The following TNS3 variants were observed in gnomAD, a reference collection of about 807,000 sequenced individuals.
TNS3 encodes tensin-3.
TNS3 carries 45 observed loss-of-function variants against 140.9 expected under a neutral mutation model. That is an observed-to-expected ratio of 0.32 (90% CI 0.25 to 0.41). The LOEUF (loss-of-function observed/expected upper bound fraction) is 0.41. Ranked by LOEUF, TNS3 falls within the 10% of genes least tolerant of loss-of-function variation. The pLI is 1.00. For missense variants in TNS3, 1,716 were observed against 1,906.7 expected, an observed-to-expected ratio of 0.90 and a Z score of 1.86; for synonymous variants, 815 against 788.4, an observed-to-expected ratio of 1.03 and a Z score of -0.56.
intron 4 of TNS3, among the ~76,000 whole-genome samples, chr7:47,472,614 G>A (rs557243167): frequency 6.6e-5 from 10 of 152,202 alleles, no homozygotes; most frequent in Non-Finnish European, 1.5e-4. Flanking sequence ...TGGTTGATTC[G>A]CTTAAGCCAC....
chr7:47,519,209 G>A (rs1798881159), intron 2 of TNS3, among the ~76,000 whole-genome samples: 1 of 152,028 alleles, frequency 6.6e-6, no homozygotes, highest in African/African-American at 2.4e-5. Flanking sequence ...GACGAACCTT[G>A]TTGTCTCTTT....
In TNS3 at chr7:47,520,964, T is replaced by A. The variant is rs551838358; in HGVS notation, c.-153+8072A>T. On this transcript the variant is annotated intron_variant, in intron 2 of 30. Transcript: ENST00000311160. ...CATGGATTTGCCAGAGAAGAGCGGA[T>A]CAATGAGCCAGGTGTTTATCTGCAC... Among the ~76,000 whole-genome samples, 3 of 152,322 alleles carry A rather than the reference T, an allele frequency of 2.0e-5. No homozygotes were observed. In the East Asian group the frequency reaches 5.8e-4, roughly 29 times the overall value.
At chr7:47,405,135 A>T (rs1400903011) in intron 13 of TNS3, among the ~76,000 whole-genome samples, 2 of 152,198 alleles carry the variant, frequency 1.3e-5, no homozygotes, top group African/African-American at 4.8e-5. Flanking sequence ...CAAGAGAAAA[A>T]GCACCATGTA....
In TNS3 at chr7:47,506,937, C is replaced by T. The variant is rs1182996243; in HGVS notation, c.-145G>A. On this transcript the variant is annotated 5_prime_UTR_variant, in exon 3 of 31. Transcript: ENST00000311160. ...CTTCACATTTCTTGTGGCAGGAATA[C>T]TTGCAGGCTGGGAAAAAAAAAAAGA... The T allele has an allele frequency of 7.8e-7, 1 of 1,287,778 alleles. No individual in the cohort carries two copies. The highest frequency in any genetic ancestry group is 1.2e-5 in the South Asian group (1 of 80,700). The allele number at this position is 1,287,778 out of a possible 1,614,324, so 79.8% of individuals were successfully genotyped here.
At chr7:47,315,432 C>T (rs1416932993) in intron 20 of TNS3, among the ~76,000 whole-genome samples, 1 of 152,212 alleles carries the variant, frequency 6.6e-6, no homozygotes, top group African/African-American at 2.4e-5. Context: ...ATGCTCCTCT[C>T]CTCTCGGCTT....
At chr7:47,448,133 C>T (rs1427982304) in intron 4 of TNS3, among the ~76,000 whole-genome samples, 2 of 152,242 alleles carry the variant, frequency 1.3e-5, no homozygotes, top group African/African-American at 2.4e-5. Flanking sequence ...GGAGCTGCTC[C>T]CTTGGCTGTC....
chr7:47,391,005 C>T (rs1053723333), intron 16 of TNS3, among the ~76,000 whole-genome samples: 1 of 152,186 alleles, frequency 6.6e-6, no homozygotes, highest in African/African-American at 2.4e-5. Context: ...GCAAAGAAGC[C>T]AGGCTCAGGA....
chr7:47,482,341 G>A (rs779439448), intron 3 of TNS3, among the ~76,000 whole-genome samples: 3 of 152,156 alleles, frequency 2.0e-5, no homozygotes, highest in Non-Finnish European at 4.4e-5. Context: ...ACACATGGCC[G>A]TTCCTGTGTC....
intron 4 of TNS3, among the ~76,000 whole-genome samples, chr7:47,478,535 A>G (rs1797280497): frequency 6.6e-6 from 1 of 152,190 alleles, no homozygotes; most frequent in African/African-American, 2.4e-5. Context: ...ACCCTCAGAT[A>G]TATAACAACT....
intron 4 of TNS3, among the ~76,000 whole-genome samples, chr7:47,473,568 G>A (rs544221248): frequency 6.6e-6 from 1 of 152,276 alleles, no homozygotes; most frequent in Admixed American, 6.5e-5. Context: ...AGTTTACTGA[G>A]GGGTGGAAAC....
At chr7:47,426,249 T>C (rs895524689) in intron 9 of TNS3, among the ~76,000 whole-genome samples, 2 of 152,118 alleles carry the variant, frequency 1.3e-5, no homozygotes, top group African/African-American at 4.8e-5. Context: ...GCCACTGCAC[T>C]CCAGCCCCGG....
At chr7:47,285,512 GCTCTTCCTTTGCCTTCTA>G (rs1330525906) in intron 27 of TNS3, among the ~76,000 whole-genome samples, 1 of 152,164 alleles carries the variant, frequency 6.6e-6, no homozygotes, top group Admixed American at 6.5e-5. Flanking sequence ...ATGTGCCTTT[GCTCTTCCTTTGCCTTCTA>G]CCATGATCAT....
chr7:47,283,992 G>A, intron 27 of TNS3, 127 bp from the exon 28 acceptor site: 1 of 847,358 alleles, frequency 1.2e-6, no homozygotes, highest in Non-Finnish European at 1.7e-6. Context: ...GCCTATGCTG[G>A]GTGCATGTAA....
chr7:47,280,963 G>A (rs1044387095), intron 28 of TNS3, among the ~76,000 whole-genome samples: 2 of 151,880 alleles, frequency 1.3e-5, no homozygotes, highest in African/African-American at 2.4e-5. Flanking sequence ...GTGTGAGATG[G>A]ACACAAGGAA....
intron 3 of TNS3, among the ~76,000 whole-genome samples, chr7:47,504,822 C>A (rs1489111854): frequency 6.6e-6 from 1 of 152,106 alleles, no homozygotes; most frequent in African/African-American, 2.4e-5. Context: ...GGCTTTCTCC[C>A]CTGTGGTTCA....
intron 2 of TNS3, among the ~76,000 whole-genome samples, chr7:47,514,259 C>G (rs1396645732): frequency 6.6e-6 from 1 of 152,204 alleles, no homozygotes; most frequent in Non-Finnish European, 1.5e-5. Flanking sequence ...ACCCCATGAC[C>G]CCATTGTTGC....
intron 20 of TNS3, among the ~76,000 whole-genome samples, chr7:47,309,012 C>T (rs1030042184): frequency 6.6e-6 from 1 of 152,238 alleles, no homozygotes; most frequent in Non-Finnish European, 1.5e-5. Context: ...ATGCCCAACT[C>T]AGAGTCTCCC....
intron 1 of TNS3, among the ~76,000 whole-genome samples, chr7:47,535,805 G>C (rs1046146910): frequency 6.6e-6 from 1 of 152,212 alleles, no homozygotes; most frequent in Non-Finnish European, 1.5e-5. Context: ...GGGATCTCTC[G>C]GATAGGTTCT....
At chr7:47,308,041 TTC>T (rs1397378438) in intron 20 of TNS3, among the ~76,000 whole-genome samples, 2 of 152,194 alleles carry the variant, frequency 1.3e-5, no homozygotes, top group Non-Finnish European at 2.9e-5. Flanking sequence ...AAACATGTTT[TTC>T]TGTTTTCTTC....
Sources: gnomAD v4.1 joint callset for allele counts (sites outside exome capture counted in the v4.1 genomes callset) on GRCh38, gnomAD v4.1.1 for gene constraint, MANE v1.5 for transcripts, NCBI Gene and HGNC (gene_info 2026-07-23, HGNC 2026-07-21) for gene names.